Variants in CPD observed in about 807,000 individuals in gnomAD.
The protein encoded by CPD is carboxypeptidase D.
Under a neutral mutation model 138.3 loss-of-function variants are expected in CPD, and 69 were observed. The ratio of observed to expected loss-of-function variants is 0.50; its 90% confidence interval spans 0.41 to 0.61. CPD has a LOEUF of 0.61. Among genes scored for constraint, CPD ranks in the 20% least tolerant of loss-of-function variants. The probability of loss-of-function intolerance (pLI) is 0.00; values close to 1 mark genes in which losing one functional copy is unlikely to be tolerated. For synonymous variants in CPD, 651 were observed against 642.1 expected, an observed-to-expected ratio of 1.01 and a Z score of -0.21; for missense variants, 1,432 against 1,733.3, an observed-to-expected ratio of 0.83 and a Z score of 3.09.
At chr17:30,443,398 A>G (rs899746875) in intron 10 of CPD, among the ~76,000 whole-genome samples, 1 of 152,170 alleles carries the variant, frequency 6.6e-6, no homozygotes, top group African/African-American at 2.4e-5. Context: ...GCTGTATTTT[A>G]TGACCAGGAT....
chr17:30,412,358 G>C (rs1415142589), intron 2 of CPD, among the ~76,000 whole-genome samples: 1 of 152,208 alleles, frequency 6.6e-6, no homozygotes, highest in Non-Finnish European at 1.5e-5. Context: ...GAGGCAGTCT[G>C]TTCATTCTCA....
chr17:30,438,327 C>T (rs775321989), intron 8 of CPD, among the ~76,000 whole-genome samples: 1 of 152,128 alleles, frequency 6.6e-6, no homozygotes, highest in Non-Finnish European at 1.5e-5. Context: ...ATCTTTCTCT[C>T]CTCTTGCTTT....
chr17:30,435,018 T>C (rs1156263083), intron 8 of CPD, among the ~76,000 whole-genome samples: 1 of 152,012 alleles, frequency 6.6e-6, no homozygotes, highest in African/African-American at 2.4e-5. Context: ...AGAAGAAAAC[T>C]GTTCAGTTGG....
At chr17:30,393,472 T>A (rs868634985) in intron 2 of CPD, among the ~76,000 whole-genome samples, 1 of 152,280 alleles carries the variant, frequency 6.6e-6, no homozygotes, top group Middle Eastern at 3.4e-3. Flanking sequence ...CAAAAAGGAA[T>A]AAGATGAACA....
chr17:30,422,767 C>G lies in CPD; in HGVS notation c.1401C>G (p.Ile467Met). 1 of 1,614,056 alleles carries G rather than the reference C, an allele frequency of 6.2e-7. No individual in the cohort carries two copies. Among genetic ancestry groups the G allele is most frequent in the South Asian group, 1.1e-5 (1 of 91,082 alleles). Residue 467 changes from isoleucine to methionine, a missense_variant, in exon 5 of 21, where the codon ATC becomes ATG. Around this residue, in one of 6 missense-constraint regions of CPD, gnomAD observed 160 missense variants for 197.9 expected, o/e 0.81. Transcript: ENST00000225719. ...FSLRPTVTSV[I>M]PDTTEAVSTA... The stretch of plus-strand genomic sequence containing the variant: ...TTAGGCCAACTGTAACTTCAGTAAT[C>G]CCTGACACGACAGAGGCTGTATCAA...
rs746767215 is a variant in CPD, at chr17:30,379,670, C to T, written c.690C>T (p.Pro230=). The T allele has an allele frequency of 1.1e-5, 16 of 1,523,010 alleles. No homozygotes were observed. In the African/African-American group the frequency reaches 2.1e-4, roughly 20 times the overall value. The allele number at this position is 1,523,010 out of a possible 1,614,324, so 94.3% of individuals were successfully genotyped here. A position where few individuals can be genotyped will look rare whatever the true frequency, so the allele number is the denominator to read the frequency against. The change falls in exon 1 of 21, where the codon CCC becomes CCT. Residue 230 remains proline (P), a synonymous_variant. Coordinates refer to ENST00000225719, the MANE Select transcript of CPD (RefSeq NM_001304.5). This position sits in a 1 kb window ranked among gnomAD's most constrained non-coding sequence, Gnocchi z 7.0. ...FPDQFSTGEP[P]ALDEVPEVRA... The stretch of plus-strand genomic sequence containing the variant: ...ACCAGTTTAGCACCGGCGAACCCCC[C>T]GCCCTGGACGAGGTGCCCGAGGTGC...
intron 2 of CPD, among the ~76,000 whole-genome samples, chr17:30,401,288 C>T (rs564493403): frequency 5.9e-4 from 90 of 151,818 alleles, no homozygotes; most frequent in South Asian, 3.8e-3. Flanking sequence ...CCTTCTCCTC[C>T]TCTTTCTCCT....
rs1913150481 is a variant in CPD, at chr17:30,450,880, T to A, written c.3070-831T>A. Among the ~76,000 whole-genome samples, 2 of 151,142 alleles carry A rather than the reference T, an allele frequency of 1.3e-5. 1 individual carries two copies. The highest frequency in any genetic ancestry group is 4.1e-4 in the South Asian group (2 of 4,824). On this transcript the variant is annotated intron_variant, in intron 13 of 20. Coordinates refer to ENST00000225719, the MANE Select transcript of CPD (RefSeq NM_001304.5). ...AAAACAAACAAAACAAAACAAAACT[T>A]TGACCCAGAGGCTTGGGCACGTATG...
intron 2 of CPD, among the ~76,000 whole-genome samples, chr17:30,386,039 A>AT (rs1287376308): frequency 6.6e-6 from 1 of 151,920 alleles, no homozygotes; most frequent in Admixed American, 6.6e-5. Flanking sequence ...AAATGTATAT[A>AT]TTTTTTAAGA....
chr17:30,396,606 AG>A (rs1911515033), intron 2 of CPD, among the ~76,000 whole-genome samples: 1 of 152,236 alleles, frequency 6.6e-6, no homozygotes, highest in Middle Eastern at 3.2e-3. Flanking sequence ...AAACACATGA[AG>A]ATTAGTTGTG....
Position 30,379,592 on chromosome 17 carries a change from G to T in CPD, c.612G>T (p.Gly204=). ...GCTTCGGCGACGGCGGCCCGTCCGG[G>T]GCCAGCGGCCGCGACAATAGTCGCG... ...DCGFGDGGPS[G]ASGRDNSRGR... Residue 204 remains glycine (G), a synonymous_variant, in exon 1 of 21, where the codon GGG becomes GGT. Transcript: ENST00000225719. The surrounding 1 kb of genome is among the most constrained non-coding windows in gnomAD (Gnocchi z 7.0). 1 of 1,482,942 alleles carries T rather than the reference G, an allele frequency of 6.7e-7. No individual in the cohort carries two copies. Among genetic ancestry groups the T allele is most frequent in the Non-Finnish European group, 8.8e-7 (1 of 1,131,092 alleles). 91.9% of individuals were successfully genotyped at this position (1,482,942 alleles called of 1,614,324 possible). A position where few individuals can be genotyped will look rare whatever the true frequency, so the allele number is the denominator to read the frequency against.
chr17:30,413,250 T>A (rs941641045), intron 2 of CPD, among the ~76,000 whole-genome samples: 1 of 152,134 alleles, frequency 6.6e-6, no homozygotes, highest in Non-Finnish European at 1.5e-5. Flanking sequence ...TATGTACAAG[T>A]TAAAGTTACC....
At chr17:30,455,625 T>C in intron 15 of CPD, 155 bp downstream of exon 15, 3 of 727,592 alleles carry the variant, frequency 4.1e-6, no homozygotes, top group Non-Finnish European at 6.5e-6. Flanking sequence ...ACATCAGCAG[T>C]TCAGTTACTT....
At chr17:30,405,904 G>T (rs145258875) in intron 2 of CPD, among the ~76,000 whole-genome samples, 2 of 151,922 alleles carry the variant, frequency 1.3e-5, no homozygotes, top group Middle Eastern at 3.4e-3. Flanking sequence ...ATTTTTATAA[G>T]CCTCTTATCT....
intron 12 of CPD, 145 bp from the exon 13 acceptor site, chr17:30,449,408 A>T: frequency 1.7e-6 from 1 of 591,656 alleles, no homozygotes; most frequent in Non-Finnish European, 2.8e-6. Flanking sequence ...AATTTTCTTA[A>T]GGTTTTCTGA....
chr17:30,404,485 T>C (rs1911756376), intron 2 of CPD, among the ~76,000 whole-genome samples: 1 of 152,150 alleles, frequency 6.6e-6, no homozygotes, highest in African/African-American at 2.4e-5. Flanking sequence ...TAGCCCATTT[T>C]ATATCATAAT....
intron 2 of CPD, among the ~76,000 whole-genome samples, chr17:30,416,022 T>A (rs1361253194): frequency 2.0e-5 from 3 of 152,178 alleles, no homozygotes; most frequent in African/African-American, 7.2e-5. Context: ...ATATGGAGCT[T>A]CATTTTTTGC....
intron 2 of CPD, among the ~76,000 whole-genome samples, chr17:30,417,727 C>A (rs982453763): frequency 6.6e-6 from 1 of 152,150 alleles, no homozygotes; most frequent in Non-Finnish European, 1.5e-5. Context: ...ACTGCCTAAC[C>A]GGGCTTTTTG....
At chr17:30,450,055 TA>T (rs1913126925) in intron 13 of CPD, among the ~76,000 whole-genome samples, 1 of 151,176 alleles carries the variant, frequency 6.6e-6, no homozygotes, top group South Asian at 2.1e-4. Context: ...CATAGTTCTT[TA>T]CTTTTTTTTT....
Sources: gnomAD v4.1 joint callset for allele counts (sites outside exome capture counted in the v4.1 genomes callset) on GRCh38, gnomAD v4.1.1 for gene constraint, gnomAD v4.1.1 regional missense constraint, Gnocchi (gnomAD v3.1) non-coding constraint, MANE v1.5 for transcripts, NCBI Gene and HGNC (gene_info 2026-07-23, HGNC 2026-07-21) for gene names.